SDK1: variants seen among roughly 807,000 people sequenced by gnomAD.
SDK1 encodes the protein protein sidekick-1.
In SDK1, 157 loss-of-function variants were observed where a neutral mutation model predicts 245.5. The observed-to-expected ratio is 0.64, with a 90% CI of 0.56 to 0.73. The LOEUF (loss-of-function observed/expected upper bound fraction) is 0.73. Among genes scored for constraint, SDK1 ranks in the 30% least tolerant of loss-of-function variants. The pLI is 0.00. For synonymous variants in SDK1, 1,647 were observed against 1,278.5 expected (o/e 1.29, Z -6.15); for missense variants, 3,583 against 3,002.3 (o/e 1.19, Z -4.52).
intron 5 of SDK1, among the ~76,000 whole-genome samples, chr7:3,898,394 C>T (rs1781675487): frequency 6.6e-6 from 1 of 152,176 alleles, no homozygotes; most frequent in South Asian, 2.1e-4. Flanking sequence ...CCATTCAGAC[C>T]TCTTTTCCCA....
intron 20 of SDK1, 151 bp from the exon 21 acceptor site, chr7:4,076,847 C>G: frequency 3.1e-6 from 2 of 638,592 alleles, no homozygotes; most frequent in Admixed American, 5.6e-5. Flanking sequence ...TGACCTGTGT[C>G]TCATGTCAGT....
At chr7:4,231,144 G>C (rs1217124549) in intron 40 of SDK1, among the ~76,000 whole-genome samples, 1 of 152,162 alleles carries the variant, frequency 6.6e-6, no homozygotes, top group Non-Finnish European at 1.5e-5. Context: ...ACTACATACA[G>C]CCAGCAATCT....
intron 1 of SDK1, among the ~76,000 whole-genome samples, chr7:3,346,773 ATG>A (rs1780512442): frequency 8.2e-6 from 1 of 121,656 alleles, no homozygotes; most frequent in African/African-American, 3.2e-5. Context: ...ATATGTATAT[ATG>A]TATACATATA....
At chr7:3,461,620 A>G (rs1278261472) in intron 1 of SDK1, among the ~76,000 whole-genome samples, 1 of 152,096 alleles carries the variant, frequency 6.6e-6, no homozygotes, top group Non-Finnish European at 1.5e-5. Context: ...TCATTGTTGA[A>G]CTGTTGTGAG....
rs527487069 is a variant in SDK1, at chr7:3,967,322, C to G, written c.1434C>G (p.Ile478Met). 794 of 1,611,968 alleles carry G rather than the reference C, an allele frequency of 4.9e-4. 10 individuals are homozygous for G. The South Asian group carries it at 8.4e-3, about 17-fold the overall frequency. The change falls in exon 10 of 45, where the codon ATC (isoleucine) becomes ATG (methionine). Residue 478 changes from isoleucine to methionine, a missense_variant. By Grantham distance (10) the Ile-to-Met change is conservative. Transcript: ENST00000404826. ...QTHTYLDVTN[I>M]APVFTQRPVD... is the part of the protein sequence containing the mutation. Reference sequence around the variant, plus strand: ...TTCATTTACTCCTCTTCTCAGATATCGCTCCAGTGTTCACCCAGCGGCCAG... The same window carrying G: ...TTCATTTACTCCTCTTCTCAGATATGGCTCCAGTGTTCACCCAGCGGCCAG...
At chr7:4,130,556 G>C (rs954305173) in intron 27 of SDK1, 1 of 156,464 alleles carries the variant, frequency 6.4e-6, no homozygotes, top group Non-Finnish European at 1.4e-5. Flanking sequence ...TACTTCCCTC[G>C]GTACTGCCCC....
At chr7:3,855,462 TA>T (rs1222096579) in intron 5 of SDK1, among the ~76,000 whole-genome samples, 3 of 152,144 alleles carry the variant, frequency 2.0e-5, no homozygotes, top group Non-Finnish European at 4.4e-5. Flanking sequence ...ATTGTTGCAA[TA>T]AAAATTAAAC....
chr7:4,075,420 T>C (rs560305523), intron 20 of SDK1, among the ~76,000 whole-genome samples: 1 of 152,256 alleles, frequency 6.6e-6, no homozygotes, highest in African/African-American at 2.4e-5. Flanking sequence ...ATTTATTGCT[T>C]TCATCAGAAT....
At chr7:4,207,833 C>T (rs960842086) in intron 36 of SDK1, among the ~76,000 whole-genome samples, 1 of 152,126 alleles carries the variant, frequency 6.6e-6, no homozygotes, top group Non-Finnish European at 1.5e-5. Flanking sequence ...CTTTGTTTAA[C>T]GAGGCAATGC....
At chr7:3,487,676 TC>T (rs888477597) in intron 1 of SDK1, among the ~76,000 whole-genome samples, 1 of 138,942 alleles carries the variant, frequency 7.2e-6, no homozygotes, top group Non-Finnish European at 1.5e-5. Flanking sequence ...GATCAGTTGA[TC>T]CCAGGAAATT....
intron 5 of SDK1, among the ~76,000 whole-genome samples, chr7:3,934,114 T>A (rs191031283): frequency 1.4e-4 from 21 of 152,262 alleles, no homozygotes; most frequent in Admixed American, 2.0e-4. Flanking sequence ...TAATTTCTAC[T>A]CTGTGAGTTG....
intron 19 of SDK1, among the ~76,000 whole-genome samples, chr7:4,063,348 C>G (rs1040005858): frequency 2.0e-5 from 3 of 151,906 alleles, no homozygotes; most frequent in Admixed American, 6.5e-5. Context: ...ATTCCATTTA[C>G]AATAGCTATA....
At chr7:4,015,037 C>T (rs1169966159) in intron 16 of SDK1, among the ~76,000 whole-genome samples, 1 of 152,088 alleles carries the variant, frequency 6.6e-6, no homozygotes, top group Non-Finnish European at 1.5e-5. Flanking sequence ...TTATCTCTAC[C>T]ATACTTCTCG....
chr7:3,453,450 A>T (rs1476737797), intron 1 of SDK1, among the ~76,000 whole-genome samples: 1 of 150,724 alleles, frequency 6.6e-6, no homozygotes, highest in Admixed American at 6.6e-5. Flanking sequence ...CTTGAGATGA[A>T]GAGATTATCC....
chr7:3,574,641 A>G (rs192181879), intron 1 of SDK1, among the ~76,000 whole-genome samples: 7 of 152,176 alleles, frequency 4.6e-5, no homozygotes, highest in East Asian at 1.9e-4. Context: ...AGTCCGCATC[A>G]TTCCCCTCCA....
chr7:4,203,163 G>A (rs1002025273), intron 35 of SDK1, among the ~76,000 whole-genome samples: 5 of 152,208 alleles, frequency 3.3e-5, no homozygotes, highest in South Asian at 2.1e-4. Flanking sequence ...AGGCCCCAGC[G>A]CCCAGCCACG....
chr7:3,472,650 C>G (rs1562507213), intron 1 of SDK1, among the ~76,000 whole-genome samples: 1 of 152,160 alleles, frequency 6.6e-6, no homozygotes, highest in Non-Finnish European at 1.5e-5. Flanking sequence ...AATTTTAAAA[C>G]AAATCAGTAT....
chr7:4,189,519 A>G (rs1448949602), intron 35 of SDK1, among the ~76,000 whole-genome samples: 1 of 152,148 alleles, frequency 6.6e-6, no homozygotes, highest in Non-Finnish European at 1.5e-5. Context: ...TTTCACCAAA[A>G]ACAGAAGACA....
intron 5 of SDK1, among the ~76,000 whole-genome samples, chr7:3,827,462 A>G (rs909106167): frequency 2.0e-5 from 3 of 152,218 alleles, no homozygotes; most frequent in Admixed American, 6.5e-5. Context: ...AACCAAAGGG[A>G]GAATTCTAAA....
Sources: gnomAD v4.1 joint callset for allele counts (sites outside exome capture counted in the v4.1 genomes callset) on GRCh38, gnomAD v4.1.1 for gene constraint, MANE v1.5 for transcripts, NCBI Gene and HGNC (gene_info 2026-07-23, HGNC 2026-07-21) for gene names.